The following TRAM2 variants were observed in gnomAD, a reference collection of about 807,000 sequenced individuals.
TRAM2 encodes the protein translocation associated membrane protein 2.
A neutral mutation model predicts 51.0 loss-of-function variants in TRAM2; 12 were observed. The ratio of observed to expected loss-of-function variants is 0.24; its 90% CI spans 0.15 to 0.38. The LOEUF (loss-of-function observed/expected upper bound fraction) is 0.38, where lower values mean the gene tolerates loss of function less well. TRAM2 is among the 10% of genes least tolerant of loss of function. The pLI is 1.00. For missense variants in TRAM2, 361 were observed against 462.0 expected, an observed-to-expected ratio of 0.78 and a Z score of 2.00; for synonymous variants, 175 against 179.4, an observed-to-expected ratio of 0.98 and a Z score of 0.20.
intron 5 of TRAM2, 53 bp from the exon 6 acceptor site, chr6:52,508,371 A>G: frequency 6.4e-7 from 1 of 1,550,826 alleles, no homozygotes; most frequent in East Asian, 2.2e-5. Flanking sequence ...GTGTCCCTGC[A>G]GGTGCTGGCC....
At chr6:52,528,045 T>C (rs1368543957) in intron 2 of TRAM2, among the ~76,000 whole-genome samples, 1 of 152,180 alleles carries the variant, frequency 6.6e-6, no homozygotes, top group Non-Finnish European at 1.5e-5. Context: ...GCTGTTTGGC[T>C]CAACAGGGCC....
chr6:52,547,802 G>T (rs968077382), intron 1 of TRAM2, among the ~76,000 whole-genome samples: 12 of 152,212 alleles, frequency 7.9e-5, no homozygotes, highest in Non-Finnish European at 2.9e-5. Context: ...TTATTGCGTC[G>T]GCTGGACTGA....
rs908503292 is a variant in TRAM2 at position 52,570,400 on chromosome 6, GA to G, written c.120+6395del. Among the ~76,000 whole-genome samples, 54 of 152,146 alleles carry G rather than the reference GA, an allele frequency of 3.5e-4. 1 individual carries two copies. Among genetic ancestry groups the G allele is most frequent in the African/African-American group, 1.2e-3 (50 of 41,428 alleles). On this transcript the variant is annotated intron_variant, in intron 1 of 10. Transcript: ENST00000182527. ...CCAGGTAATAAACAGATTCCACTCA[GA>G]CAAAGAAAAATAAAGCAGCCGGTGG...
At chr6:52,544,783 T>C (rs1456772051) in intron 1 of TRAM2, among the ~76,000 whole-genome samples, 9 of 152,114 alleles carry the variant, frequency 5.9e-5, no homozygotes, top group Non-Finnish European at 1.3e-4. Flanking sequence ...ATCTTCAAAG[T>C]GGAGAAGGAA....
Position 52,502,721 on chromosome 6 carries a change from G to A in TRAM2, c.*476C>T. The A allele has an allele frequency of 5.9e-6, 1 of 169,264 alleles. No homozygotes were observed. The highest frequency in any genetic ancestry group is 1.3e-5 in the Non-Finnish European group (1 of 78,624). 10.5% of individuals were successfully genotyped at this position (169,264 alleles called of 1,614,324 possible). A position where few individuals can be genotyped will look rare whatever the true frequency, so the allele number is the denominator to read the frequency against. ...GCCCATCCACATGAGGACCACCAAG[G>A]GCCTACCAGCCCCAGGCTTCTGACC... is the stretch of plus-strand genomic sequence containing the variant. On this transcript the variant is annotated 3_prime_UTR_variant, in exon 11 of 11. Coordinates refer to ENST00000182527, the MANE Select transcript of TRAM2 (RefSeq NM_012288.4).
rs376489683 is a variant in TRAM2 at position 52,562,436 on chromosome 6, C to T, written c.120+14360G>A. Among the ~76,000 whole-genome samples, 52 of 152,310 alleles carry T rather than the reference C, an allele frequency of 3.4e-4. No individual in the cohort carries two copies. The South Asian group carries it at 0.011, about 32-fold the overall frequency. On this transcript the variant is annotated intron_variant, in intron 1 of 10. Transcript: ENST00000182527. ...GGTGCCAGAGGCAACAGAAACGTCACAGAGGAGCTGAAATATAATCAATAG... is the reference window on the plus strand; with the variant it reads ...GGTGCCAGAGGCAACAGAAACGTCATAGAGGAGCTGAAATATAATCAATAG...
intron 4 of TRAM2, chr6:52,515,778 C>A: frequency 2.0e-6 from 1 of 502,840 alleles, no homozygotes; most frequent in Non-Finnish European, 3.6e-6. Flanking sequence ...TGACTGTTGG[C>A]CAAGATGACT....
chr6:52,520,761 C>A (rs1465115204), intron 2 of TRAM2, among the ~76,000 whole-genome samples: 4 of 152,176 alleles, frequency 2.6e-5, no homozygotes, highest in Non-Finnish European at 4.4e-5. Flanking sequence ...CCCATCCCAC[C>A]CCATCACAGC....
At chr6:52,571,006 G>A (rs1767671391) in intron 1 of TRAM2, among the ~76,000 whole-genome samples, 1 of 152,016 alleles carries the variant, frequency 6.6e-6, no homozygotes, top group Non-Finnish European at 1.5e-5. Context: ...ATGTATAAAA[G>A]ATAAAGGTCT....
At chr6:52,570,850 A>C (rs1767669005) in intron 1 of TRAM2, among the ~76,000 whole-genome samples, 1 of 144,336 alleles carries the variant, frequency 6.9e-6, no homozygotes, top group East Asian at 2.2e-4. Flanking sequence ...CTGAAAAGCA[A>C]GGACTTTTTG....
At chr6:52,512,704 C>A (rs543698129) in intron 4 of TRAM2, among the ~76,000 whole-genome samples, 1 of 152,364 alleles carries the variant, frequency 6.6e-6, no homozygotes, top group Non-Finnish European at 1.5e-5. Context: ...AGAGATCCCT[C>A]CTGTTTCCCC....
intron 7 of TRAM2, 124 bp from the exon 8 acceptor site, chr6:52,506,260 C>G: frequency 1.2e-6 from 1 of 805,872 alleles, no homozygotes; most frequent in Admixed American, 2.1e-5. Flanking sequence ...CCCACTTTCC[C>G]TGGCTGGCTC....
At chr6:52,548,970 G>A (rs372953614) in intron 1 of TRAM2, among the ~76,000 whole-genome samples, 8 of 152,278 alleles carry the variant, frequency 5.3e-5, no homozygotes, top group South Asian at 2.1e-4. Flanking sequence ...TCTGCGAGGC[G>A]GTGATTTGAG....
intron 2 of TRAM2, among the ~76,000 whole-genome samples, chr6:52,521,681 A>G (rs1175083651): frequency 6.6e-6 from 1 of 152,024 alleles, no homozygotes; most frequent in Non-Finnish European, 1.5e-5. Context: ...TGGGAGACAG[A>G]GCGAGAGACT....
At position 52,516,396 on chromosome 6, in the gene TRAM2, T is replaced by C. The variant is rs143102031; in HGVS notation, c.294+232A>G. 0.013 allele frequency: 7,437 copies of C among 594,936 alleles called. 67 individuals are homozygous for C. Among genetic ancestry groups the C allele is most frequent in the Non-Finnish European group, 0.016 (5,350 of 334,930 alleles). 36.9% of individuals were successfully genotyped at this position (594,936 alleles called of 1,614,324 possible). A position where few individuals can be genotyped will look rare whatever the true frequency, so the allele number is the denominator to read the frequency against. On this transcript the variant is annotated intron_variant, in intron 3 of 10. Transcript: ENST00000182527. Reference sequence around the variant, plus strand: ...GTGCCCCAGACCCATAAGGACACCATCTCCAGACAGCTTTCTCTCTGTGTA... The same window carrying C: ...GTGCCCCAGACCCATAAGGACACCACCTCCAGACAGCTTTCTCTCTGTGTA...
chr6:52,498,263 C>T lies in TRAM2; in HGVS notation c.*4934G>A, dbSNP rs1766129076. ...ACTGGCTGGGAGAGTTATTGCACAACCCGGAAGAGTGAGAAAAACGTGGGC... is the reference window on the plus strand; with the variant it reads ...ACTGGCTGGGAGAGTTATTGCACAATCCGGAAGAGTGAGAAAAACGTGGGC... On this transcript the variant is annotated 3_prime_UTR_variant, in exon 11 of 11. Transcript: ENST00000182527. 1 of 152,518 alleles carries T rather than the reference C, an allele frequency of 6.6e-6. No homozygotes were observed. Among genetic ancestry groups the T allele is most frequent in the Non-Finnish European group, 1.5e-5 (1 of 68,044 alleles). 9.4% of individuals were successfully genotyped at this position (152,518 alleles called of 1,614,324 possible). A position where few individuals can be genotyped will look rare whatever the true frequency, so the allele number is the denominator to read the frequency against.
chr6:52,528,600 G>C (rs1284064295), intron 2 of TRAM2, among the ~76,000 whole-genome samples: 3 of 152,168 alleles, frequency 2.0e-5, no homozygotes, highest in Non-Finnish European at 4.4e-5. Context: ...TCTCATCCTA[G>C]AAGAGGCTGC....
chr6:52,517,739 CAT>C (rs949559952), intron 2 of TRAM2, among the ~76,000 whole-genome samples: 20 of 152,234 alleles, frequency 1.3e-4, no homozygotes, highest in Admixed American at 2.0e-4. Flanking sequence ...GTCACACACA[CAT>C]GAGTCATCTC....
Position 52,500,528 on chromosome 6 carries a change from GT to G in TRAM2, c.*2668del, listed in dbSNP as rs59714938. On this transcript the variant is annotated 3_prime_UTR_variant, in exon 11 of 11. Coordinates refer to ENST00000182527, the MANE Select transcript of TRAM2 (RefSeq NM_012288.4). ...ACTCATGGTCTCAGGGTTTTTTTTT[GT>G]TTTTTTTTTTTTTTTTACATAAAAT... is the stretch of plus-strand genomic sequence containing the variant. The G allele has an allele frequency of 0.34, 41,774 of 122,502 alleles. 6,553 individuals carry two copies. Among genetic ancestry groups the G allele is most frequent in the Non-Finnish European group, 0.44 (23,841 of 54,208 alleles). The allele number at this position is 122,502 out of a possible 1,614,324, so 7.6% of individuals were successfully genotyped here. A position where few individuals can be genotyped will look rare whatever the true frequency, so the allele number is the denominator to read the frequency against.
Sources: allele counts gnomAD v4.1 joint callset (sites outside exome capture counted in the v4.1 genomes callset), GRCh38; gene constraint gnomAD v4.1.1; transcripts MANE v1.5; gene names NCBI Gene and HGNC (gene_info 2026-07-23, HGNC 2026-07-21).